The following SORCS3 variants were observed in gnomAD, a reference collection of about 807,000 sequenced individuals.
The protein encoded by SORCS3 is VPS10 domain-containing receptor SorCS3.
A neutral mutation model predicts 146.3 loss-of-function variants in SORCS3; 57 were observed. That is an observed-to-expected ratio of 0.39 (90% CI 0.31 to 0.49). SORCS3 has a LOEUF of 0.49. SORCS3 is among the 20% of genes least tolerant of loss of function. The probability of loss-of-function intolerance (pLI) is 0.92; values close to 1 mark genes in which losing one functional copy is unlikely to be tolerated. For synonymous variants in SORCS3, 653 were observed against 618.5 expected (o/e 1.06, Z -0.83); for missense variants, 1,341 against 1,575.5 (o/e 0.85, Z 2.52).
intron 5 of SORCS3, among the ~76,000 whole-genome samples, chr10:105,046,143 G>A (rs1257799839): frequency 2.0e-5 from 3 of 152,126 alleles, no homozygotes; most frequent in Non-Finnish European, 4.4e-5. Flanking sequence ...GGAACGCTGA[G>A]TGGAAAGCAG....
At chr10:105,072,871 G>T (rs899203521) in intron 5 of SORCS3, among the ~76,000 whole-genome samples, 7 of 151,950 alleles carry the variant, frequency 4.6e-5, no homozygotes, top group African/African-American at 1.5e-4. Context: ...AAACACTGAT[G>T]GCAGGCACGT....
intron 20 of SORCS3, 149 bp downstream of exon 20, chr10:105,223,398 C>A: frequency 1.5e-6 from 1 of 656,454 alleles, no homozygotes; most frequent in East Asian, 3.0e-5. Context: ...ATAAAACATA[C>A]CTCTTTACAC....
At chr10:104,857,061 G>T (rs552517208) in intron 2 of SORCS3, among the ~76,000 whole-genome samples, 139 of 149,668 alleles carry the variant, frequency 9.3e-4, no homozygotes, top group African/African-American at 3.3e-3. Flanking sequence ...GCTAGGCTTT[G>T]GAGGGAGAGA....
chr10:105,214,732 A>C lies in SORCS3; in HGVS notation c.2547+119A>C, dbSNP rs2056655385. The C allele has an allele frequency of 5.2e-6, 5 of 957,316 alleles. No individual in the cohort carries two copies. In the South Asian group the frequency reaches 9.1e-5, roughly 17 times the overall value. 59.3% of individuals were successfully genotyped at this position (957,316 alleles called of 1,614,324 possible). A position where few individuals can be genotyped will look rare whatever the true frequency, so the allele number is the denominator to read the frequency against. On this transcript the variant is annotated intron_variant, in intron 18 of 26. Transcript: ENST00000369701. ...ACCAAAGTCAATGGTGAGAAGCTGA[A>C]ATTTCTGGAAAGAAGACAGACAAGG...
At chr10:105,118,457 A>G (rs988899629) in intron 7 of SORCS3, among the ~76,000 whole-genome samples, 1 of 152,216 alleles carries the variant, frequency 6.6e-6, no homozygotes, top group African/African-American at 2.4e-5. Flanking sequence ...ACAGACTAAT[A>G]TAGTAAATTG....
rs143719675 is a variant in SORCS3 at position 104,705,418 on chromosome 10, C to G, written c.627+63464C>G. ...CTCCCAGTATTTTATACTTTTCCCA[C>G]TCACACCGAATTAGGTTCAACTACA... On this transcript the variant is annotated intron_variant, in intron 1 of 26. Transcript: ENST00000369701. Among the ~76,000 whole-genome samples the G allele has an allele frequency of 6.6e-5, 10 of 152,178 alleles. No homozygotes were observed. The East Asian group carries it at 1.9e-3, about 30-fold the overall frequency.
intron 1 of SORCS3, among the ~76,000 whole-genome samples, chr10:104,729,714 C>T (rs1361921404): frequency 2.6e-5 from 4 of 152,212 alleles, no homozygotes; most frequent in African/African-American, 9.7e-5. Context: ...TATCAGGCTG[C>T]ATGAGTGGAA....
At position 104,739,921 on chromosome 10, in the gene SORCS3, A is replaced by G. The variant is rs181712499; in HGVS notation, c.627+97967A>G. On this transcript the variant is annotated intron_variant, in intron 1 of 26. Coordinates refer to ENST00000369701, the MANE Select transcript of SORCS3 (RefSeq NM_014978.3). ...GGTTCTGTGTGTATTCAACCACCAAACAGAATTGTACTTGGTACCTCTTTT... is the reference window on the plus strand; with the variant it reads ...GGTTCTGTGTGTATTCAACCACCAAGCAGAATTGTACTTGGTACCTCTTTT... Among the ~76,000 whole-genome samples the G allele has an allele frequency of 1.8e-3, 269 of 152,330 alleles. 1 individual carries two copies. The Middle Eastern group carries it at 0.034, about 19-fold the overall frequency.
At chr10:104,931,489 C>A (rs61867347) in intron 3 of SORCS3, among the ~76,000 whole-genome samples, 42,134 of 151,984 alleles carry the variant, frequency 0.28, 7,518 homozygotes, top group African/African-American at 0.51. Flanking sequence ...TAAATAAGAC[C>A]TTTAAGGCTA....
At chr10:104,736,841 T>C (rs980940120) in intron 1 of SORCS3, among the ~76,000 whole-genome samples, 9 of 151,926 alleles carry the variant, frequency 5.9e-5, no homozygotes, top group African/African-American at 1.9e-4. Flanking sequence ...GCAGGTTAGT[T>C]ACATATGTAT....
At chr10:104,940,236 ATAT>A (rs1200647696) in intron 3 of SORCS3, among the ~76,000 whole-genome samples, 8 of 23,616 alleles carry the variant, frequency 3.4e-4, no homozygotes, top group Non-Finnish European at 6.1e-4. Flanking sequence ...ATATATATAT[ATAT>A]TTTTTTTTTT....
intron 5 of SORCS3, among the ~76,000 whole-genome samples, chr10:105,052,549 A>G (rs568509488): frequency 6.6e-6 from 1 of 152,096 alleles, no homozygotes; most frequent in African/African-American, 2.4e-5. Context: ...CTTATTGTCT[A>G]TGAGGGTGGT....
rs373947453 is a variant in SORCS3 at position 105,059,277 on chromosome 10, G to T, written c.1028+16149G>T. ...GGTTGTTCCAACCAATGAAGACATT[G>T]GCACCTCCAGGCATCTTTTCAAAAT... On this transcript the variant is annotated intron_variant, in intron 5 of 26. Coordinates refer to ENST00000369701, the MANE Select transcript of SORCS3 (RefSeq NM_014978.3). 3.9e-5 allele frequency among the ~76,000 whole-genome samples: 6 copies of T among 152,240 alleles called. No individual in the cohort carries two copies. In the East Asian group the frequency reaches 7.7e-4, roughly 20 times the overall value.
intron 2 of SORCS3, among the ~76,000 whole-genome samples, chr10:104,845,122 CCTTA>C (rs2133548960): frequency 6.6e-6 from 1 of 152,320 alleles, no homozygotes; most frequent in African/African-American, 2.4e-5. Flanking sequence ...AGGGCAGACA[CCTTA>C]CTTCCTTCCT....
At chr10:105,227,318 A>G (rs2056739381) in intron 20 of SORCS3, among the ~76,000 whole-genome samples, 1 of 152,052 alleles carries the variant, frequency 6.6e-6, no homozygotes, top group African/African-American at 2.4e-5. Flanking sequence ...AACATTCAGA[A>G]GCATATCATT....
chr10:104,952,028 G>A (rs2019436025), intron 3 of SORCS3, among the ~76,000 whole-genome samples: 1 of 150,820 alleles, frequency 6.6e-6, no homozygotes, highest in Non-Finnish European at 1.5e-5. Context: ...GTTAGCACCA[G>A]CACGGCAATT....
intron 1 of SORCS3, among the ~76,000 whole-genome samples, chr10:104,792,708 C>A (rs2017508907): frequency 6.6e-6 from 1 of 152,220 alleles, no homozygotes; most frequent in South Asian, 2.1e-4. Context: ...TTGAAAGAAG[C>A]CTCTTTCATA....
chr10:105,061,454 C>T (rs2055485897), intron 5 of SORCS3, among the ~76,000 whole-genome samples: 1 of 151,910 alleles, frequency 6.6e-6, no homozygotes, highest in Non-Finnish European at 1.5e-5. Context: ...GCCACCACAC[C>T]TGGCTAATTT....
At chr10:105,088,367 A>G (rs997826878) in intron 5 of SORCS3, among the ~76,000 whole-genome samples, 2 of 152,232 alleles carry the variant, frequency 1.3e-5, no homozygotes, top group Admixed American at 1.3e-4. Flanking sequence ...CCATTAGAGT[A>G]AAGCCTCATT....
Sources: allele counts gnomAD v4.1 joint callset (sites outside exome capture counted in the v4.1 genomes callset), GRCh38; gene constraint gnomAD v4.1.1; transcripts MANE v1.5; gene names NCBI Gene and HGNC (gene_info 2026-07-23, HGNC 2026-07-21).